The following GRM5 variants were observed in gnomAD, a reference collection of about 807,000 sequenced individuals.
GRM5 encodes metabotropic glutamate receptor 5.
A neutral mutation model predicts 83.1 loss-of-function variants in GRM5; 19 were observed. The ratio of observed to expected loss-of-function variants is 0.23; its 90% CI spans 0.16 to 0.34. The LOEUF is 0.34. Among genes scored for constraint, GRM5 ranks in the 10% least tolerant of loss-of-function variants. The pLI, the probability that GRM5 is intolerant of heterozygous loss-of-function variation, is 1.00. For missense variants in GRM5, 1,160 were observed against 1,588.3 expected, an observed-to-expected ratio of 0.73 and a Z score of 4.58; for synonymous variants, 675 against 633.6, an observed-to-expected ratio of 1.07 and a Z score of -0.98.
chr11:88,779,166 C>T (rs1942922498), intron 3 of GRM5, among the ~76,000 whole-genome samples: 1 of 152,166 alleles, frequency 6.6e-6, no homozygotes. Flanking sequence ...TGTTCTAAAG[C>T]TTGTGTTCTC....
At chr11:88,676,819 T>C (rs1464961793) in intron 3 of GRM5, among the ~76,000 whole-genome samples, 1 of 152,116 alleles carries the variant, frequency 6.6e-6, no homozygotes, top group African/African-American at 2.4e-5. Context: ...AAGTAACACA[T>C]TTTTATGTAG....
intron 4 of GRM5, among the ~76,000 whole-genome samples, chr11:88,631,929 T>C (rs1938980132): frequency 6.6e-6 from 1 of 152,194 alleles, no homozygotes; most frequent in African/African-American, 2.4e-5. Context: ...GTTTTATAGA[T>C]ATATATGTAT....
intron 2 of GRM5, among the ~76,000 whole-genome samples, chr11:88,916,425 T>C (rs1176865478): frequency 2.0e-5 from 3 of 151,974 alleles, no homozygotes; most frequent in Admixed American, 2.0e-4. Flanking sequence ...GGGAAAGTAA[T>C]GCAAGGCAGA....
At chr11:88,696,954 G>A (rs888310083) in intron 3 of GRM5, among the ~76,000 whole-genome samples, 1 of 152,156 alleles carries the variant, frequency 6.6e-6, no homozygotes, top group Non-Finnish European at 1.5e-5. Flanking sequence ...CTGTGTATGT[G>A]ATTTTCCTTT....
chr11:88,561,630 G>A (rs1003585926), intron 8 of GRM5, among the ~76,000 whole-genome samples: 9 of 152,076 alleles, frequency 5.9e-5, no homozygotes, highest in African/African-American at 2.2e-4. Context: ...CGGAAGCCTG[G>A]CATTATCTGC....
chr11:89,055,057 G>A (rs1277623442), intron 1 of GRM5, among the ~76,000 whole-genome samples: 1 of 152,034 alleles, frequency 6.6e-6, no homozygotes, highest in Non-Finnish European at 1.5e-5. Context: ...ATTCCTCCTT[G>A]GGAGCCTATT....
At position 88,914,787 on chromosome 11, in the gene GRM5, A is replaced by G. The variant is rs149790865; in HGVS notation, c.662-64632T>C. Among the ~76,000 whole-genome samples, 614 of 152,306 alleles carry G rather than the reference A, an allele frequency of 4.0e-3. 2 individuals carry two copies. The highest frequency in any genetic ancestry group is 0.014 in the African/African-American group (576 of 41,568). On this transcript the variant is annotated intron_variant, in intron 2 of 9. Coordinates refer to ENST00000305447, the MANE Select transcript of GRM5 (RefSeq NM_001143831.3). Reference sequence around the variant, plus strand: ...GAAAATAATTTTCCTTTTTCTTAGCAATCATAATAGGTATTTTTCTTCTTT... The same window carrying G: ...GAAAATAATTTTCCTTTTTCTTAGCGATCATAATAGGTATTTTTCTTCTTT...
chr11:88,895,648 T>C (rs116888750), intron 2 of GRM5, among the ~76,000 whole-genome samples: 2,878 of 152,062 alleles, frequency 0.019, 46 homozygotes, highest in East Asian at 0.067. Context: ...AAAAAACAAG[T>C]CCACCATATA....
intron 2 of GRM5, among the ~76,000 whole-genome samples, chr11:89,006,858 C>A (rs866482628): frequency 1.3e-5 from 2 of 152,170 alleles, no homozygotes; most frequent in East Asian, 3.9e-4. Context: ...AGTGCAGTGG[C>A]GCAATCTCGG....
chr11:88,779,063 T>C (rs1942920435), intron 3 of GRM5, among the ~76,000 whole-genome samples: 1 of 152,216 alleles, frequency 6.6e-6, no homozygotes, highest in African/African-American at 2.4e-5. Context: ...ACAAAAATCT[T>C]TTATAGATGA....
intron 4 of GRM5, among the ~76,000 whole-genome samples, chr11:88,637,540 A>G (rs1311913823): frequency 2.6e-5 from 4 of 151,658 alleles, no homozygotes; most frequent in Non-Finnish European, 5.9e-5. Flanking sequence ...TGCAGCCAAA[A>G]AACACATGAA....
chr11:88,922,759 G>A (rs1945714181), intron 2 of GRM5, among the ~76,000 whole-genome samples: 1 of 152,056 alleles, frequency 6.6e-6, no homozygotes, highest in African/African-American at 2.4e-5. Flanking sequence ...CTCCTTCACA[G>A]CAAAGGAAAT....
intron 2 of GRM5, among the ~76,000 whole-genome samples, chr11:88,886,473 CA>C (rs1325703680): frequency 1.3e-5 from 2 of 152,132 alleles, no homozygotes; most frequent in Admixed American, 6.5e-5. Context: ...GCATGGCTGC[CA>C]GCCTTACAAG....
At chr11:88,638,797 A>G (rs1298694136) in intron 4 of GRM5, among the ~76,000 whole-genome samples, 1 of 152,074 alleles carries the variant, frequency 6.6e-6, no homozygotes, top group East Asian at 1.9e-4. Context: ...TTTCATATCT[A>G]TAAAACCTGT....
intron 3 of GRM5, among the ~76,000 whole-genome samples, chr11:88,654,510 T>A (rs944506499): frequency 1.3e-5 from 2 of 151,782 alleles, no homozygotes; most frequent in African/African-American, 4.8e-5. Flanking sequence ...AAAGGGAAAA[T>A]TTGACTAAAT....
intron 3 of GRM5, among the ~76,000 whole-genome samples, chr11:88,773,633 G>T (rs1942786186): frequency 6.6e-6 from 1 of 152,094 alleles, no homozygotes. Flanking sequence ...TTTGTATAAG[G>T]TGTAAGGAAG....
chr11:88,882,442 T>C (rs682203), intron 2 of GRM5, among the ~76,000 whole-genome samples: 2 of 148,688 alleles, frequency 1.3e-5, no homozygotes, highest in African/African-American at 4.9e-5. Context: ...GTACCTGTAG[T>C]CCCAGCTACT....
chr11:88,654,522 A>T (rs1383463911), intron 3 of GRM5, among the ~76,000 whole-genome samples: 23 of 152,060 alleles, frequency 1.5e-4, no homozygotes, highest in Non-Finnish European at 7.4e-5. Context: ...TGACTAAATT[A>T]CAAGTAACCT....
chr11:88,598,534 T>A (rs1485773247), intron 5 of GRM5, among the ~76,000 whole-genome samples: 2 of 152,210 alleles, frequency 1.3e-5, no homozygotes, highest in Admixed American at 6.5e-5. Flanking sequence ...TTGGTGTAAC[T>A]GTCTAAATTC....
Sources: allele counts gnomAD v4.1 joint callset (sites outside exome capture counted in the v4.1 genomes callset), GRCh38; gene constraint gnomAD v4.1.1; transcripts MANE v1.5; gene names NCBI Gene and HGNC (gene_info 2026-07-23, HGNC 2026-07-21).